Variants in PTPN21 observed in about 807,000 individuals in gnomAD.
The protein encoded by PTPN21 is protein tyrosine phosphatase non-receptor type 21, also known as tyrosine-protein phosphatase non-receptor type 21.
A neutral mutation model predicts 131.8 loss-of-function variants in PTPN21; 77 were observed. That is an observed-to-expected ratio of 0.58 (90% CI 0.49 to 0.71). PTPN21 has a LOEUF of 0.71. Ranked by LOEUF, PTPN21 falls within the 30% of genes least tolerant of loss-of-function variation. The probability of loss-of-function intolerance (pLI) is 0.00; values close to 1 mark genes in which losing one functional copy is unlikely to be tolerated. For missense variants in PTPN21, 1,552 were observed against 1,527.1 expected, an observed-to-expected ratio of 1.02 and a Z score of -0.27; for synonymous variants, 715 against 621.3, an observed-to-expected ratio of 1.15 and a Z score of -2.24.
intron 2 of PTPN21, among the ~76,000 whole-genome samples, chr14:88,534,365 AAAGT>A (rs2078598905): frequency 6.6e-6 from 1 of 152,022 alleles, no homozygotes; most frequent in African/African-American, 2.4e-5. Flanking sequence ...CCTGGGCAAC[AAAGT>A]AAGACTGTCT....
intron 2 of PTPN21, among the ~76,000 whole-genome samples, chr14:88,523,924 A>G (rs2078438512): frequency 6.6e-6 from 1 of 152,194 alleles, no homozygotes; most frequent in Non-Finnish European, 1.5e-5. Flanking sequence ...TTGACCAAGA[A>G]GGTGAAAAGG....
intron 2 of PTPN21, among the ~76,000 whole-genome samples, chr14:88,530,235 T>C (rs912826346): frequency 1.3e-5 from 2 of 152,094 alleles, no homozygotes; most frequent in African/African-American, 4.8e-5. Context: ...GCTGAAACAA[T>C]TTGCCACTAC....
intron 4 of PTPN21, among the ~76,000 whole-genome samples, chr14:88,507,404 C>T (rs763390930): frequency 2.6e-5 from 4 of 152,094 alleles, no homozygotes; most frequent in Non-Finnish European, 5.9e-5. Flanking sequence ...CAGCCTACTC[C>T]ACACCTAGGC....
chr14:88,534,810 G>A (rs536391321), intron 2 of PTPN21, among the ~76,000 whole-genome samples: 9 of 152,244 alleles, frequency 5.9e-5, no homozygotes, highest in East Asian at 1.9e-4. Context: ...CCTGGAAGTC[G>A]AGGCTGCAGT....
At chr14:88,478,798 T>G in intron 13 of PTPN21, 122 bp downstream of exon 13, 1 of 537,520 alleles carries the variant, frequency 1.9e-6, no homozygotes, top group Non-Finnish European at 3.0e-6. Context: ...GAGAGTGACG[T>G]GGGGGAATGA....
intron 3 of PTPN21, among the ~76,000 whole-genome samples, chr14:88,509,862 C>A (rs1332201295): frequency 1.3e-5 from 2 of 152,130 alleles, no homozygotes; most frequent in Non-Finnish European, 2.9e-5. Flanking sequence ...ATGGTGAAAC[C>A]CCATCTCTAC....
chr14:88,513,097 T>TA (rs2078210439), intron 3 of PTPN21, among the ~76,000 whole-genome samples: 2 of 152,218 alleles, frequency 1.3e-5, no homozygotes, highest in South Asian at 4.1e-4. Flanking sequence ...AGGTTTTTTT[T>TA]AAAGTATTAT....
At chr14:88,473,530 A>C in intron 14 of PTPN21, 135 bp downstream of exon 14, 1 of 1,037,188 alleles carries the variant, frequency 9.6e-7, no homozygotes. Flanking sequence ...TTTGAGGCCC[A>C]TATTACAAAA....
At chr14:88,494,123 A>C (rs1028108578) in intron 10 of PTPN21, among the ~76,000 whole-genome samples, 3 of 152,162 alleles carry the variant, frequency 2.0e-5, no homozygotes, top group Non-Finnish European at 2.9e-5. Flanking sequence ...TCATAGTGGA[A>C]GGGGGGTACC....
chr14:88,541,153 C>G (rs183033845), intron 2 of PTPN21, among the ~76,000 whole-genome samples: 99 of 152,282 alleles, frequency 6.5e-4, no homozygotes, highest in African/African-American at 2.2e-3. Context: ...GAAAGTGGTA[C>G]AAACCCTTGA....
intron 2 of PTPN21, among the ~76,000 whole-genome samples, chr14:88,528,898 T>C (rs1031835221): frequency 1.3e-5 from 2 of 152,204 alleles, no homozygotes; most frequent in African/African-American, 4.8e-5. Context: ...TTAGGGGTTT[T>C]CTAGGTATAC....
At chr14:88,471,120 T>C (rs2140082883) in intron 15 of PTPN21, among the ~76,000 whole-genome samples, 1 of 152,296 alleles carries the variant, frequency 6.6e-6, no homozygotes. Flanking sequence ...AACAAAATAG[T>C]ATGTGCATAG....
In PTPN21 at chr14:88,479,871, G is replaced by A. The variant is rs2077619791; in HGVS notation, c.1560C>T (p.Ser520=). ...CPFSLSYSFH[S]PSPYPYPAER... is the part of the protein sequence containing the mutation. ...CGGCAGGGTAGGGGTAGGGAGACGG[G>A]CTGTGGAAGCTGTAGCTCAGGCTGA... Residue 520 remains serine, a synonymous_variant, in exon 13 of 19, where the codon AGC becomes AGT. Coordinates refer to ENST00000556564, the MANE Select transcript of PTPN21 (RefSeq NM_007039.4). The A allele has an allele frequency of 1.9e-6, 3 of 1,578,030 alleles. No homozygotes were observed. Among genetic ancestry groups the A allele is most frequent in the Non-Finnish European group, 2.6e-6 (3 of 1,166,126 alleles).
intron 12 of PTPN21, among the ~76,000 whole-genome samples, chr14:88,480,874 C>T (rs1167583831): frequency 6.6e-6 from 1 of 152,200 alleles, no homozygotes; most frequent in Non-Finnish European, 1.5e-5. Context: ...CCAACAGTGT[C>T]ACCAGCAGCC....
chr14:88,472,464 C>T lies in PTPN21; in HGVS notation c.2651G>A (p.Cys884Tyr). The change falls in exon 15 of 19, where the codon TGT (cysteine) becomes TAT (tyrosine). Residue 884 changes from cysteine to tyrosine, a missense_variant and splice_region_variant. By Grantham distance (194) the Cys-to-Tyr change is radical. This residue lies in a region of PTPN21 where 316 missense variants were observed against 378.5 expected (regional missense o/e 0.83). Transcript: ENST00000556564. Reference protein sequence around the residue: ...VATRATNDERCKILEQRLEQG... With the variant: ...VATRATNDERYKILEQRLEQG... ...TTCTAATCGTTGTTCCAGAATTTTA[C>T]ACTATAAAACAGAATATGTGTAATA... 1.3e-6 allele frequency: 2 copies of T among 1,583,100 alleles called. No individual in the cohort carries two copies. Among genetic ancestry groups the T allele is most frequent in the Non-Finnish European group, 1.7e-6 (2 of 1,152,398 alleles).
chr14:88,526,960 C>G (rs866995783), intron 2 of PTPN21, among the ~76,000 whole-genome samples: 1 of 152,176 alleles, frequency 6.6e-6, no homozygotes, highest in South Asian at 2.1e-4. Flanking sequence ...CCAACTCCAT[C>G]TAGGTTGCTG....
At chr14:88,528,316 G>A (rs911095339) in intron 2 of PTPN21, among the ~76,000 whole-genome samples, 5 of 152,088 alleles carry the variant, frequency 3.3e-5, no homozygotes, top group African/African-American at 1.2e-4. Context: ...TGTTATCTAT[G>A]ATTTCTTTCA....
At chr14:88,509,447 C>T (rs2139292396) in intron 3 of PTPN21, among the ~76,000 whole-genome samples, 1 of 152,258 alleles carries the variant, frequency 6.6e-6, no homozygotes, top group Middle Eastern at 3.4e-3. Context: ...ACATGTAAAC[C>T]TCTGTTCTTT....
chr14:88,496,175 T>C (rs2077912108), intron 10 of PTPN21, among the ~76,000 whole-genome samples: 1 of 152,188 alleles, frequency 6.6e-6, no homozygotes, highest in Non-Finnish European at 1.5e-5. Context: ...AAATAAAGGA[T>C]ATTATTCCCT....
Sources: allele counts gnomAD v4.1 joint callset (sites outside exome capture counted in the v4.1 genomes callset), GRCh38; gene constraint gnomAD v4.1.1; regional missense constraint gnomAD v4.1.1; transcripts MANE v1.5; gene names NCBI Gene and HGNC (gene_info 2026-07-23, HGNC 2026-07-21).